The following YEATS2 variants were observed in gnomAD, a reference collection of about 807,000 sequenced individuals.
YEATS2 encodes YEATS domain-containing protein 2.
A neutral mutation model predicts 163.2 loss-of-function variants in YEATS2; 77 were observed. The observed-to-expected ratio is 0.47, with a 90% confidence interval of 0.39 to 0.57. YEATS2 has a LOEUF of 0.57. YEATS2 is among the 20% of genes least tolerant of loss of function. The pLI is 0.00. For synonymous variants in YEATS2, 631 were observed against 645.1 expected (o/e 0.98, Z 0.33); for missense variants, 1,549 against 1,729.8 (o/e 0.90, Z 1.85).
Position 183,704,190 on chromosome 3 carries a change from CT to C in YEATS2, c.-20+6199del, listed in dbSNP as rs1203450179. Among the ~76,000 whole-genome samples, 25 of 151,212 alleles carry C rather than the reference CT, an allele frequency of 1.7e-4. No individual in the cohort carries two copies. The South Asian group carries it at 4.2e-3, about 25-fold the overall frequency. On this transcript the variant is annotated intron_variant, in intron 1 of 30. Transcript: ENST00000305135. Reference sequence around the variant, plus strand: ...AGCTTCCTAAAGCTTCAACAGTAGACTTGTGTAGTACAAATCCCCTTCGTTC... The same window carrying C: ...AGCTTCCTAAAGCTTCAACAGTAGACTGTGTAGTACAAATCCCCTTCGTTC...
intron 22 of YEATS2, 91 bp from the exon 23 acceptor site, chr3:183,798,800 T>G: frequency 5.0e-6 from 5 of 993,664 alleles, no homozygotes; most frequent in Non-Finnish European, 6.4e-6. Context: ...GTGCTGTTAG[T>G]CTAATGTGGG....
intron 7 of YEATS2, among the ~76,000 whole-genome samples, chr3:183,733,964 G>A (rs1199950784): frequency 1.3e-5 from 2 of 152,254 alleles, no homozygotes; most frequent in Non-Finnish European, 2.9e-5. Context: ...AGGTCTTCCT[G>A]CCCTTGGTGT....
chr3:183,744,102 C>CTTTTT (rs562807575), intron 8 of YEATS2, among the ~76,000 whole-genome samples: 1 of 56,002 alleles, frequency 1.8e-5, no homozygotes. Context: ...TTTAGTTTTG[C>CTTTTT]TTTTTTTTTT....
intron 21 of YEATS2, among the ~76,000 whole-genome samples, chr3:183,796,597 G>A (rs998535884): frequency 6.6e-6 from 1 of 150,542 alleles, no homozygotes; most frequent in Admixed American, 6.7e-5. Context: ...GGAAAGAGAT[G>A]CGCATACATT....
At chr3:183,774,671 G>A (rs1475722226) in intron 17 of YEATS2, among the ~76,000 whole-genome samples, 3 of 152,180 alleles carry the variant, frequency 2.0e-5, no homozygotes, top group Admixed American at 6.6e-5. Context: ...GTGTTGAAAA[G>A]GATAGGATAA....
At chr3:183,761,422 A>G in intron 13 of YEATS2, 85 bp from the exon 14 acceptor site, 1 of 1,238,742 alleles carries the variant, frequency 8.1e-7, no homozygotes. Flanking sequence ...AGAGAATGTC[A>G]CAGGTTTGTA....
intron 20 of YEATS2, among the ~76,000 whole-genome samples, chr3:183,789,567 G>A (rs185120920): frequency 8.5e-5 from 9 of 106,196 alleles, no homozygotes; most frequent in Middle Eastern, 0.021. Context: ...ACAGAGTCTC[G>A]CTCTGTCACC....
intron 4 of YEATS2, among the ~76,000 whole-genome samples, chr3:183,719,710 G>T (rs1333617275): frequency 6.6e-6 from 1 of 151,766 alleles, no homozygotes; most frequent in Non-Finnish European, 1.5e-5. Context: ...ATGTGGCCAG[G>T]CTGGAATGCA....
chr3:183,808,197 C>A, intron 29 of YEATS2, 93 bp downstream of exon 29: 1 of 1,039,836 alleles, frequency 9.6e-7, no homozygotes, highest in Admixed American at 2.6e-5. Flanking sequence ...ACAAAGATAA[C>A]AGGCTTTAAA....
chr3:183,749,593 A>G (rs1346823032), intron 9 of YEATS2, among the ~76,000 whole-genome samples: 1 of 152,172 alleles, frequency 6.6e-6, no homozygotes, highest in African/African-American at 2.4e-5. Context: ...GATTTCATCC[A>G]TGTTGTAGCG....
chr3:183,730,125 C>T (rs1348556252), intron 7 of YEATS2, among the ~76,000 whole-genome samples: 1 of 109,900 alleles, frequency 9.1e-6, no homozygotes, highest in East Asian at 3.3e-4. Flanking sequence ...AGTGCAGTGG[C>T]ACGATCTTGG....
intron 18 of YEATS2, 129 bp from the exon 19 acceptor site, chr3:183,777,413 A>G (rs1331952914): frequency 4.2e-6 from 4 of 947,600 alleles, no homozygotes; most frequent in Non-Finnish European, 6.2e-6. Context: ...TTTTGCCTAC[A>G]TTGCAGAATT....
intron 13 of YEATS2, among the ~76,000 whole-genome samples, chr3:183,761,178 C>T (rs2109345606): frequency 6.6e-6 from 1 of 152,070 alleles, no homozygotes; most frequent in African/African-American, 2.4e-5. Flanking sequence ...ACCTCTGCCT[C>T]CCTGGTTCAA....
At chr3:183,703,497 AATAG>A (rs543029893) in intron 1 of YEATS2, among the ~76,000 whole-genome samples, 7 of 152,294 alleles carry the variant, frequency 4.6e-5, no homozygotes, top group South Asian at 2.1e-4. Flanking sequence ...GCACCAACCT[AATAG>A]ATAACTTCTC....
chr3:183,806,025 A>G (rs1292093209), intron 27 of YEATS2, among the ~76,000 whole-genome samples: 1 of 151,844 alleles, frequency 6.6e-6, no homozygotes, highest in Non-Finnish European at 1.5e-5. Flanking sequence ...TTTTAATCTG[A>G]CTGATTCCAA....
At chr3:183,785,736 AG>A (rs1030893676) in intron 19 of YEATS2, among the ~76,000 whole-genome samples, 1 of 152,222 alleles carries the variant, frequency 6.6e-6, no homozygotes, top group Non-Finnish European at 1.5e-5. Context: ...TATCTAATTT[AG>A]AAGACCATTA....
intron 9 of YEATS2, among the ~76,000 whole-genome samples, chr3:183,748,612 T>C (rs1029844418): frequency 6.6e-5 from 10 of 151,890 alleles, no homozygotes; most frequent in African/African-American, 2.2e-4. Flanking sequence ...CTCTTCTCTT[T>C]TTTTAATTGA....
chr3:183,756,759 A>C, intron 12 of YEATS2, 70 bp downstream of exon 12: 6 of 1,268,372 alleles, frequency 4.7e-6, no homozygotes, highest in Non-Finnish European at 6.1e-6. Flanking sequence ...TCCTGCCATG[A>C]CTTGGTAGCC....
At chr3:183,750,651 G>A (rs1289201870) in intron 9 of YEATS2, among the ~76,000 whole-genome samples, 5 of 152,096 alleles carry the variant, frequency 3.3e-5, no homozygotes, top group Non-Finnish European at 5.9e-5. Flanking sequence ...ATATCTTGTG[G>A]TTTTGATCTG....
Sources: allele counts gnomAD v4.1 joint callset (sites outside exome capture counted in the v4.1 genomes callset), GRCh38; gene constraint gnomAD v4.1.1; transcripts MANE v1.5; gene names NCBI Gene and HGNC (gene_info 2026-07-23, HGNC 2026-07-21).